CRPPA: variants seen among roughly 807,000 people sequenced by gnomAD.
The protein encoded by CRPPA is CDP-L-ribitol pyrophosphorylase A.
A neutral mutation model predicts 52.0 loss-of-function variants in CRPPA; 43 were observed. The ratio of observed to expected loss-of-function variants is 0.83; its 90% CI spans 0.65 to 1.07. The LOEUF (loss-of-function observed/expected upper bound fraction) is 1.07. Ranked by LOEUF, CRPPA falls within the 50% of genes least tolerant of loss-of-function variation. The pLI is 0.00. For missense variants in CRPPA, 629 were observed against 551.7 expected (o/e 1.14, Z -1.40); for synonymous variants, 250 against 203.5 (o/e 1.23, Z -1.94).
intron 5 of CRPPA, among the ~76,000 whole-genome samples, chr7:16,279,150 A>C (rs977806899): frequency 2.0e-5 from 3 of 152,210 alleles, no homozygotes; most frequent in African/African-American, 7.2e-5. Context: ...TTCCTGAATC[A>C]AAAGTATGTT....
At chr7:16,117,117 T>G (rs188045946) in intron 9 of CRPPA, among the ~76,000 whole-genome samples, 78 of 152,338 alleles carry the variant, frequency 5.1e-4, no homozygotes, top group Admixed American at 9.8e-4. Context: ...TAAAAAGATG[T>G]CAACTTGGAA....
At chr7:16,369,064 C>T (rs1263770891) in intron 3 of CRPPA, among the ~76,000 whole-genome samples, 1 of 152,038 alleles carries the variant, frequency 6.6e-6, no homozygotes, top group Non-Finnish European at 1.5e-5. Context: ...TGAGACTGAA[C>T]AAGACAAAGT....
At chr7:16,170,389 T>C (rs1019433581) in intron 9 of CRPPA, among the ~76,000 whole-genome samples, 1 of 152,200 alleles carries the variant, frequency 6.6e-6, no homozygotes, top group African/African-American at 2.4e-5. Flanking sequence ...TTCTTAAAGA[T>C]GGTGTGTCTA....
intron 9 of CRPPA, among the ~76,000 whole-genome samples, chr7:16,099,679 T>C (rs1416805171): frequency 6.6e-6 from 1 of 152,166 alleles, no homozygotes; most frequent in East Asian, 1.9e-4. Flanking sequence ...CCAAAAGGCA[T>C]CAGACATCTG....
chr7:16,292,160 C>T (rs573454150), intron 5 of CRPPA, among the ~76,000 whole-genome samples: 2 of 151,928 alleles, frequency 1.3e-5, no homozygotes, highest in African/African-American at 4.8e-5. Context: ...GTTAACAATA[C>T]TCTCTTAACC....
chr7:16,147,814 T>C (rs1410478907), intron 9 of CRPPA, among the ~76,000 whole-genome samples: 2 of 152,184 alleles, frequency 1.3e-5, no homozygotes, highest in South Asian at 4.1e-4. Context: ...CCTAACCTCC[T>C]ATAAAACTTG....
intron 9 of CRPPA, among the ~76,000 whole-genome samples, chr7:16,184,163 A>G (rs549859055): frequency 1.6e-4 from 24 of 151,998 alleles, no homozygotes; most frequent in Non-Finnish European, 2.8e-4. Flanking sequence ...GGATGGTCTC[A>G]ATCTCCTGAC....
At chr7:16,118,288 G>T (rs895591122) in intron 9 of CRPPA, among the ~76,000 whole-genome samples, 26 of 152,160 alleles carry the variant, frequency 1.7e-4, no homozygotes, top group Non-Finnish European at 7.3e-5. Context: ...GCCGACTTGT[G>T]TAGCCTTTTC....
chr7:16,184,096 C>A (rs1221623426), intron 9 of CRPPA, among the ~76,000 whole-genome samples: 2 of 151,942 alleles, frequency 1.3e-5, no homozygotes, highest in African/African-American at 4.8e-5. Flanking sequence ...CGCACACCAC[C>A]ACGCCCCGCT....
chr7:16,401,460 C>T (rs1787815751), intron 2 of CRPPA, among the ~76,000 whole-genome samples: 1 of 152,104 alleles, frequency 6.6e-6, no homozygotes, highest in East Asian at 1.9e-4. Flanking sequence ...AAGTTGATCA[C>T]CAACAAGAGC....
intron 9 of CRPPA, among the ~76,000 whole-genome samples, chr7:16,184,672 T>C (rs1228310044): frequency 6.6e-6 from 1 of 152,166 alleles, no homozygotes; most frequent in African/African-American, 2.4e-5. Context: ...TAGAGTTTCC[T>C]TGAAAGGCAC....
intron 2 of CRPPA, among the ~76,000 whole-genome samples, chr7:16,390,942 A>G (rs1787425696): frequency 6.6e-6 from 1 of 152,178 alleles, no homozygotes; most frequent in African/African-American, 2.4e-5. Flanking sequence ...AGTCGAAGTC[A>G]ATGGCCTCCT....
chr7:16,249,040 G>A (rs773551490), intron 8 of CRPPA, among the ~76,000 whole-genome samples: 1 of 152,114 alleles, frequency 6.6e-6, no homozygotes, highest in Non-Finnish European at 1.5e-5. Flanking sequence ...GTGCTGGGAG[G>A]GGGCGTCCAC....
chr7:16,406,624 C>T (rs1452541346), intron 1 of CRPPA, among the ~76,000 whole-genome samples: 4 of 152,062 alleles, frequency 2.6e-5, no homozygotes, highest in Non-Finnish European at 5.9e-5. Context: ...TCATTTTTTA[C>T]TTAAATTTGA....
chr7:16,152,449 G>A (rs893139550), intron 9 of CRPPA, among the ~76,000 whole-genome samples: 3 of 151,882 alleles, frequency 2.0e-5, no homozygotes, highest in Non-Finnish European at 4.4e-5. Flanking sequence ...GTTATATTGG[G>A]ACTTCTGTTG....
chr7:16,303,720 A>G (rs1784843813), intron 4 of CRPPA, among the ~76,000 whole-genome samples: 1 of 152,168 alleles, frequency 6.6e-6, no homozygotes, highest in African/African-American at 2.4e-5. Context: ...CTGGATAACT[A>G]TATAAAAATA....
chr7:16,352,430 A>T (rs1048467426), intron 3 of CRPPA, among the ~76,000 whole-genome samples: 6 of 152,186 alleles, frequency 3.9e-5, no homozygotes, highest in South Asian at 2.1e-4. Context: ...ATTTAAAAAA[A>T]AAATAAATGT....
At chr7:16,309,481 G>A (rs13225705) in intron 3 of CRPPA, among the ~76,000 whole-genome samples, 3,047 of 152,284 alleles carry the variant, frequency 0.02, 45 homozygotes, top group Non-Finnish European at 0.032. Flanking sequence ...ACGGCATCAG[G>A]AAGGCCTATC....
At chr7:16,325,570 T>C (rs1477137884) in intron 3 of CRPPA, among the ~76,000 whole-genome samples, 3 of 152,162 alleles carry the variant, frequency 2.0e-5, no homozygotes, top group African/African-American at 7.2e-5. Context: ...GTGATGACTA[T>C]ATAACTTTGA....
Sources: gnomAD v4.1 joint callset for allele counts (sites outside exome capture counted in the v4.1 genomes callset) on GRCh38, gnomAD v4.1.1 for gene constraint, MANE v1.5 for transcripts, NCBI Gene and HGNC (gene_info 2026-07-23, HGNC 2026-07-21) for gene names.